The following INTU variants were observed in gnomAD, a reference collection of about 807,000 sequenced individuals.
INTU encodes the protein inturned planar cell polarity protein, also known as protein inturned.
In INTU, 68 loss-of-function variants were observed where a neutral mutation model predicts 100.5. That is an observed-to-expected ratio of 0.68 (90% confidence interval 0.56 to 0.83). The LOEUF (loss-of-function observed/expected upper bound fraction) is 0.83, where lower values mean the gene tolerates loss of function less well. INTU is among the 40% of genes least tolerant of loss of function. The pLI is 0.00. For synonymous variants in INTU, 357 were observed against 395.7 expected (o/e 0.90, Z 1.16); for missense variants, 1,071 against 1,114.7 (o/e 0.96, Z 0.56).
chr4:127,706,562 T>G lies in INTU; in HGVS notation c.1864T>G (p.Cys622Gly). ...AGCTATTGGGAGTCCTGGACCAGAC[T>G]GTGTATATGTGGATCAAGTCAAAAC... ...SKAIGSPGPD[C>G]VYVDQVKTTL... Residue 622 changes from cysteine (C) to glycine (G), a missense_variant, in exon 12 of 16, where the codon TGT becomes GGT. Cys to Gly is a radical substitution (Grantham distance 159, BLOSUM62 -3). Transcript: ENST00000335251. 1 of 1,614,036 alleles carries G rather than the reference T, an allele frequency of 6.2e-7. No individual in the cohort carries two copies. The highest frequency in any genetic ancestry group is 8.5e-7 in the Non-Finnish European group (1 of 1,179,942).
rs1192475835 is a variant in INTU, at chr4:127,705,825, C to G, written c.1788+13C>G. ...AGTTGTTGGCTTGGTAAGTTTACCTCAGCTTCTTTCTTAGGATTTTTCTTC... is the reference window on the plus strand; with the variant it reads ...AGTTGTTGGCTTGGTAAGTTTACCTGAGCTTCTTTCTTAGGATTTTTCTTC... On this transcript the variant is annotated intron_variant, in intron 11 of 15. Coordinates refer to ENST00000335251, the MANE Select transcript of INTU (RefSeq NM_015693.4). The G allele has an allele frequency of 6.3e-7, 1 of 1,592,652 alleles. No homozygotes were observed. Among genetic ancestry groups the G allele is most frequent in the Non-Finnish European group, 8.6e-7 (1 of 1,164,116 alleles).
intron 1 of INTU, among the ~76,000 whole-genome samples, chr4:127,635,122 A>C (rs905038362): frequency 6.6e-6 from 1 of 152,220 alleles, no homozygotes; most frequent in Non-Finnish European, 1.5e-5. Flanking sequence ...TGTTTCATAC[A>C]TGCTTTGTAC....
At chr4:127,654,564 G>A (rs188680736) in intron 2 of INTU, among the ~76,000 whole-genome samples, 1,952 of 152,248 alleles carry the variant, frequency 0.013, 21 homozygotes, top group Non-Finnish European at 0.018. Flanking sequence ...ACTCTCTTCT[G>A]GCTCGTAGGG....
At chr4:127,682,333 A>G (rs535618288) in intron 6 of INTU, among the ~76,000 whole-genome samples, 2 of 152,136 alleles carry the variant, frequency 1.3e-5, no homozygotes, top group Admixed American at 6.5e-5. Context: ...TATTCACAAT[A>G]GCAAAGACTT....
intron 15 of INTU, among the ~76,000 whole-genome samples, chr4:127,714,772 G>A (rs998941219): frequency 3.9e-5 from 6 of 151,976 alleles, no homozygotes; most frequent in Non-Finnish European, 8.8e-5. Context: ...CATGAGGTCA[G>A]GAATTGTATC....
intron 6 of INTU, among the ~76,000 whole-genome samples, chr4:127,676,956 A>T (rs190199860): frequency 1.3e-5 from 2 of 152,164 alleles, no homozygotes; most frequent in Admixed American, 6.5e-5. Context: ...TATCCCGCAC[A>T]TGGCTCGGAG....
intron 2 of INTU, among the ~76,000 whole-genome samples, chr4:127,653,778 G>T (rs1016483940): frequency 1.3e-5 from 2 of 151,514 alleles, no homozygotes; most frequent in African/African-American, 2.4e-5. Context: ...GGGTATCCTT[G>T]TTGACGTTCT....
At chr4:127,668,241 C>G (rs1728779814) in intron 4 of INTU, among the ~76,000 whole-genome samples, 1 of 151,954 alleles carries the variant, frequency 6.6e-6, no homozygotes, top group South Asian at 2.1e-4. Context: ...TAGCACAGCG[C>G]ACATCCTGAT....
intron 6 of INTU, among the ~76,000 whole-genome samples, chr4:127,677,691 T>G (rs6534635): frequency 6.6e-6 from 1 of 151,680 alleles, no homozygotes. Flanking sequence ...AAAAGCAGAG[T>G]GCCTCTCCTC....
chr4:127,696,988 C>T (rs555744193), intron 8 of INTU, among the ~76,000 whole-genome samples: 199 of 152,120 alleles, frequency 1.3e-3, no homozygotes, highest in Non-Finnish European at 2.6e-3. Context: ...AAGCCCTATC[C>T]GTTTAAATTG....
intron 9 of INTU, among the ~76,000 whole-genome samples, chr4:127,702,027 G>A (rs1730671469): frequency 6.6e-6 from 1 of 152,148 alleles, no homozygotes; most frequent in Admixed American, 6.5e-5. Flanking sequence ...ATTAGGAGCA[G>A]TTCAGATCTA....
chr4:127,707,083 G>T (rs1560618654), intron 12 of INTU, 114 bp downstream of exon 12: 2 of 1,210,720 alleles, frequency 1.7e-6, no homozygotes, highest in Non-Finnish European at 2.3e-6. Context: ...TGACATGGTG[G>T]TTATTTCAGT....
chr4:127,714,631 T>A (rs1489724222), intron 15 of INTU, among the ~76,000 whole-genome samples: 1 of 152,182 alleles, frequency 6.6e-6, no homozygotes, highest in Non-Finnish European at 1.5e-5. Flanking sequence ...TGCTAACAGG[T>A]CATCTTGTCA....
intron 8 of INTU, among the ~76,000 whole-genome samples, chr4:127,689,016 A>G (rs1357640441): frequency 9.7e-6 from 1 of 103,248 alleles, no homozygotes; most frequent in Non-Finnish European, 1.8e-5. Context: ...TTGCTTTGTC[A>G]CCCCAGCTGG....
At chr4:127,699,006 A>G (rs1730520921) in intron 8 of INTU, among the ~76,000 whole-genome samples, 1 of 152,208 alleles carries the variant, frequency 6.6e-6, no homozygotes. Context: ...ATATTTCAAA[A>G]GCTTTTGTCA....
chr4:127,662,714 T>C (rs185326384), intron 3 of INTU, among the ~76,000 whole-genome samples: 91 of 152,266 alleles, frequency 6.0e-4, no homozygotes, highest in Middle Eastern at 3.4e-3. Context: ...TACCTTTCCA[T>C]ACCTGTGGAA....
At chr4:127,694,741 G>T (rs1730306964) in intron 8 of INTU, among the ~76,000 whole-genome samples, 3 of 152,100 alleles carry the variant, frequency 2.0e-5, no homozygotes, top group Non-Finnish European at 4.4e-5. Flanking sequence ...GTGCCCAGTT[G>T]TTCTAGCACC....
At chr4:127,644,253 G>C (rs528309400) in intron 2 of INTU, among the ~76,000 whole-genome samples, 197 bp downstream of exon 2, 3 of 152,188 alleles carry the variant, frequency 2.0e-5, no homozygotes, top group Admixed American at 6.5e-5. Flanking sequence ...CCAGTTCAGT[G>C]TGTTGAGTAT....
chr4:127,698,028 G>A (rs1305444703), intron 8 of INTU, among the ~76,000 whole-genome samples: 1 of 152,188 alleles, frequency 6.6e-6, no homozygotes, highest in African/African-American at 2.4e-5. Context: ...GCTGAGGCAG[G>A]AGAATCACTT....
Sources: gnomAD v4.1 joint callset for allele counts (sites outside exome capture counted in the v4.1 genomes callset) on GRCh38, gnomAD v4.1.1 for gene constraint, MANE v1.5 for transcripts, NCBI Gene and HGNC (gene_info 2026-07-23, HGNC 2026-07-21) for gene names.